P4HA1: variants seen among roughly 807,000 people sequenced by gnomAD.
P4HA1 encodes prolyl 4-hydroxylase subunit alpha-1.
P4HA1 carries 24 observed loss-of-function variants against 72.8 expected under a neutral mutation model. The ratio of observed to expected loss-of-function variants is 0.33; its 90% confidence interval spans 0.24 to 0.46. P4HA1 has a LOEUF of 0.46. Ranked by LOEUF, P4HA1 falls within the 20% of genes least tolerant of loss-of-function variation. P4HA1 has a pLI of 1.00. For synonymous variants in P4HA1, 201 were observed against 218.8 expected (o/e 0.92, Z 0.72); for missense variants, 446 against 640.6 (o/e 0.70, Z 3.28).
intron 14 of P4HA1, 116 bp downstream of exon 14, chr10:73,009,691 C>G: frequency 1.8e-6 from 1 of 568,180 alleles, no homozygotes. Context: ...GAATCCTGTA[C>G]AATGTTAAAA....
chr10:73,058,774 C>CTTTT (rs151028824), intron 5 of P4HA1, among the ~76,000 whole-genome samples: 3,474 of 123,684 alleles, frequency 0.028, 221 homozygotes, highest in African/African-American at 0.098. Flanking sequence ...TTATAGTATG[C>CTTTT]TTTTTTTTTT....
intron 9 of P4HA1, among the ~76,000 whole-genome samples, chr10:73,039,442 G>T (rs557905899): frequency 6.6e-6 from 1 of 152,138 alleles, no homozygotes; most frequent in South Asian, 2.1e-4. Context: ...CAGTAGTTGG[G>T]ACCACAGGCA....
At chr10:73,065,163 A>C (rs1841390633) in intron 5 of P4HA1, 1 of 152,124 alleles carries the variant, frequency 6.6e-6, no homozygotes, top group Non-Finnish European at 1.5e-5. Flanking sequence ...CAACTTCCAC[A>C]TGAAGCAAAT....
chr10:73,042,480 T>G (rs2133083129), intron 9 of P4HA1, among the ~76,000 whole-genome samples: 1 of 152,316 alleles, frequency 6.6e-6, no homozygotes, highest in South Asian at 2.1e-4. Context: ...TTTTCATAAT[T>G]TAGTTTCGAA....
At chr10:73,046,179 T>C (rs1004333835) in intron 8 of P4HA1, among the ~76,000 whole-genome samples, 1 of 152,192 alleles carries the variant, frequency 6.6e-6, no homozygotes, top group African/African-American at 2.4e-5. Flanking sequence ...TTGACCTTTA[T>C]GGAAAAAATC....
At chr10:73,044,259 T>C (rs1840803672) in intron 9 of P4HA1, among the ~76,000 whole-genome samples, 1 of 152,216 alleles carries the variant, frequency 6.6e-6, no homozygotes, top group African/African-American at 2.4e-5. Context: ...TCACAGAAAC[T>C]TTCTCAGATC....
intron 10 of P4HA1, among the ~76,000 whole-genome samples, chr10:73,018,188 A>T (rs1840052335): frequency 6.6e-6 from 1 of 152,142 alleles, no homozygotes; most frequent in Non-Finnish European, 1.5e-5. Context: ...CCTCCCAAGA[A>T]AATAGTACTT....
At chr10:73,045,628 A>G (rs921626558) in intron 8 of P4HA1, among the ~76,000 whole-genome samples, 1 of 152,144 alleles carries the variant, frequency 6.6e-6, no homozygotes, top group Middle Eastern at 3.2e-3. Flanking sequence ...AATGTTAAAA[A>G]CAGCAAGAAA....
intron 9 of P4HA1, among the ~76,000 whole-genome samples, chr10:73,030,610 A>G (rs1840411228): frequency 6.6e-6 from 1 of 152,170 alleles, no homozygotes; most frequent in African/African-American, 2.4e-5. Context: ...TATAATGCTT[A>G]TATGAAAACA....
intron 5 of P4HA1, among the ~76,000 whole-genome samples, chr10:73,058,540 C>T (rs1242947465): frequency 3.9e-5 from 6 of 152,146 alleles, no homozygotes; most frequent in African/African-American, 1.4e-4. Flanking sequence ...GGTCTGGGGA[C>T]TAACGGTGCA....
intron 9 of P4HA1, among the ~76,000 whole-genome samples, chr10:73,044,144 G>A (rs997456908): frequency 2.0e-5 from 3 of 152,110 alleles, no homozygotes; most frequent in African/African-American, 7.2e-5. Context: ...TCCAAATCAA[G>A]AGAAAATGAG....
Position 73,037,525 on chromosome 10 carries a change from CTATATATATATA to C in P4HA1, c.1149-7167_1149-7156del, listed in dbSNP as rs869107512. On this transcript the variant is annotated intron_variant, in intron 9 of 14. Coordinates refer to ENST00000394890, the MANE Select transcript of P4HA1 (RefSeq NM_001017962.3). Reference sequence around the variant, plus strand: ...TCTATGATTAGCTAATCGAAAACCACTATATATATATATATATATATATATATATATATATAT... The same window carrying C: ...TCTATGATTAGCTAATCGAAAACCACTATATATATATATATATATATATAT... Among the ~76,000 whole-genome samples, 105 of 34,306 alleles carry C rather than the reference CTATATATATATA, an allele frequency of 3.1e-3. 3 individuals are homozygous for C. The highest frequency in any genetic ancestry group is 4.2e-3 in the Non-Finnish European group (81 of 19,282). 22.5% of individuals were successfully genotyped at this position (34,306 alleles called of 152,430 possible).
At chr10:73,050,864 C>T (rs1841003199) in intron 7 of P4HA1, among the ~76,000 whole-genome samples, 189 bp downstream of exon 7, 1 of 151,982 alleles carries the variant, frequency 6.6e-6, no homozygotes, top group Non-Finnish European at 1.5e-5. Context: ...ACCAGCATGC[C>T]CAGCTAATTT....
In P4HA1 at chr10:73,072,132, T is replaced by C. The variant is rs1452595699; in HGVS notation, c.222A>G (p.Pro74=). 5 of 1,613,656 alleles carry C rather than the reference T, an allele frequency of 3.1e-6. No homozygotes were observed. In the Middle Eastern group the frequency reaches 5.0e-4, roughly 160 times the overall value. The change falls in exon 4 of 15, where the codon CCA becomes CCG. Residue 74 remains proline, a synonymous_variant. Coordinates refer to ENST00000394890, the MANE Select transcript of P4HA1 (RefSeq NM_001017962.3). ...DRLTSTATKD[P]EGFVGHPVNA... ...TTACTGGATGCCCAACAAATCCTTC[T>C]GGATCTTTTGTCGCTGTACTAGTTA...
At chr10:73,020,941 C>G (rs143480513) in intron 10 of P4HA1, among the ~76,000 whole-genome samples, 21 of 152,252 alleles carry the variant, frequency 1.4e-4, no homozygotes, top group African/African-American at 4.6e-4. Context: ...ACGAGACCAG[C>G]CTGGCCAACA....
At position 73,037,552 on chromosome 10, in the gene P4HA1, TATATATATATATATATA is replaced by T. The variant is rs1424861759; in HGVS notation, c.1149-7199_1149-7183del. 5.7e-3 allele frequency among the ~76,000 whole-genome samples: 185 copies of T among 32,364 alleles called. 4 individuals carry two copies. The highest frequency in any genetic ancestry group is 0.02 in the African/African-American group (172 of 8,700). 21.2% of individuals were successfully genotyped at this position (32,364 alleles called of 152,430 possible). A position where few individuals can be genotyped will look rare whatever the true frequency, so the allele number is the denominator to read the frequency against. ...ATATATATATATATATATATATATA[TATATATATATATATATA>T]TATTTTTTTTTTTTTTTTTTTACAA... On this transcript the variant is annotated intron_variant, in intron 9 of 14. Coordinates refer to ENST00000394890, the MANE Select transcript of P4HA1 (RefSeq NM_001017962.3).
intron 11 of P4HA1, among the ~76,000 whole-genome samples, chr10:73,015,374 C>T (rs1174902508): frequency 1.3e-5 from 2 of 152,060 alleles, no homozygotes; most frequent in African/African-American, 2.4e-5. Context: ...GTGGTATATC[C>T]GTAACATGGA....
At chr10:73,022,877 G>A (rs1840169856) in intron 10 of P4HA1, among the ~76,000 whole-genome samples, 2 of 152,320 alleles carry the variant, frequency 1.3e-5, no homozygotes, top group South Asian at 4.1e-4. Context: ...ATTTGATCAA[G>A]TGGAACAAAG....
intron 10 of P4HA1, among the ~76,000 whole-genome samples, chr10:73,026,525 C>T (rs1840273061): frequency 6.6e-6 from 1 of 152,180 alleles, no homozygotes; most frequent in African/African-American, 2.4e-5. Context: ...CTAGGCAATA[C>T]CATTCAGGAC....
Sources: gnomAD v4.1 joint callset for allele counts (sites outside exome capture counted in the v4.1 genomes callset) on GRCh38, gnomAD v4.1.1 for gene constraint, MANE v1.5 for transcripts, NCBI Gene and HGNC (gene_info 2026-07-23, HGNC 2026-07-21) for gene names.